Variants in RSBN1 observed in about 807,000 individuals in gnomAD.
The protein encoded by RSBN1 is round spermatid basic protein 1.
RSBN1 carries 23 observed loss-of-function variants against 74.8 expected under a neutral mutation model. The observed-to-expected ratio is 0.31, with a 90% confidence interval of 0.22 to 0.44. The LOEUF (loss-of-function observed/expected upper bound fraction) is 0.44. Ranked by LOEUF, RSBN1 falls within the 20% of genes least tolerant of loss-of-function variation. The probability of loss-of-function intolerance (pLI) is 1.00; values close to 1 mark genes in which losing one functional copy is unlikely to be tolerated. For missense variants in RSBN1, 808 were observed against 1,020.9 expected, an observed-to-expected ratio of 0.79 and a Z score of 2.84; for synonymous variants, 407 against 379.6, an observed-to-expected ratio of 1.07 and a Z score of -0.84.
chr1:113,774,746 C>G (rs1330811980), intron 4 of RSBN1, among the ~76,000 whole-genome samples: 1 of 151,930 alleles, frequency 6.6e-6, no homozygotes, highest in Non-Finnish European at 1.5e-5. Flanking sequence ...GTCCCAGATA[C>G]TTGGTGGGGC....
chr1:113,767,336 G>C, intron 5 of RSBN1, 129 bp from the exon 6 acceptor site: 1 of 441,482 alleles, frequency 2.3e-6, no homozygotes, highest in Non-Finnish European at 4.0e-6. Context: ...CTAAGGACTA[G>C]GTATACAATT....
chr1:113,767,074 A>AT, intron 6 of RSBN1, 25 bp downstream of exon 6: 1 of 1,330,098 alleles, frequency 7.5e-7, no homozygotes, highest in Non-Finnish European at 1.1e-6. Flanking sequence ...AATATCGCAA[A>AT]TGGTGATAAA....
At chr1:113,808,078 T>A (rs1660748738) in intron 1 of RSBN1, among the ~76,000 whole-genome samples, 1 of 152,094 alleles carries the variant, frequency 6.6e-6, no homozygotes, top group Non-Finnish European at 1.5e-5. Flanking sequence ...TGTAAAATGG[T>A]ACCGACACTC....
At position 113,764,536 on chromosome 1, in the gene RSBN1, T is replaced by G. The variant is rs886595890; in HGVS notation, c.*1444A>C. On this transcript the variant is annotated 3_prime_UTR_variant, in exon 7 of 7. Transcript: ENST00000261441. ...AGATTTAACCTATTTCAGAATATTT[T>G]AGAGAAAATTCATATTTGATATTTC... The G allele has an allele frequency of 2.0e-5, 3 of 152,504 alleles. No individual in the cohort carries two copies. Among genetic ancestry groups the G allele is most frequent in the African/African-American group, 7.2e-5 (3 of 41,516 alleles). 9.4% of individuals were successfully genotyped at this position (152,504 alleles called of 1,614,324 possible). A position where few individuals can be genotyped will look rare whatever the true frequency, so the allele number is the denominator to read the frequency against.
At chr1:113,772,566 C>T (rs1257441363) in intron 4 of RSBN1, among the ~76,000 whole-genome samples, 1 of 152,120 alleles carries the variant, frequency 6.6e-6, no homozygotes. Context: ...ATTTCTTTAA[C>T]TCTAGAGTTC....
At position 113,767,313 on chromosome 1, in the gene RSBN1, A is replaced by T. The variant is rs370624971; in HGVS notation, c.1827-106T>A. Reference sequence around the variant, plus strand: ...GAAATGCTTCTACCAGCAGAGAAATAGATGCATAGTTTCTAAGGACTAGGT... The same window carrying T: ...GAAATGCTTCTACCAGCAGAGAAATTGATGCATAGTTTCTAAGGACTAGGT... On this transcript the variant is annotated intron_variant, in intron 5 of 6. Coordinates refer to ENST00000261441, the MANE Select transcript of RSBN1 (RefSeq NM_018364.5). The T allele has an allele frequency of 7.7e-5, 44 of 573,342 alleles. 1 individual carries two copies. The highest frequency in any genetic ancestry group is 5.9e-4 in the East Asian group (19 of 32,204). The allele number at this position is 573,342 out of a possible 1,614,324, so 35.5% of individuals were successfully genotyped here. A position where few individuals can be genotyped will look rare whatever the true frequency, so the allele number is the denominator to read the frequency against.
At chr1:113,805,909 C>A (rs2101827166) in intron 1 of RSBN1, among the ~76,000 whole-genome samples, 1 of 152,328 alleles carries the variant, frequency 6.6e-6, no homozygotes, top group Non-Finnish European at 1.5e-5. Context: ...CTGTATTCTG[C>A]TACTGTAGTG....
chr1:113,804,277 A>C (rs1340862087), intron 1 of RSBN1, among the ~76,000 whole-genome samples: 1 of 152,252 alleles, frequency 6.6e-6, no homozygotes, highest in Non-Finnish European at 1.5e-5. Flanking sequence ...AAGATCTCTG[A>C]AAGAGGAAAG....
chr1:113,781,980 C>G (rs1221338095), intron 2 of RSBN1, among the ~76,000 whole-genome samples: 1 of 152,130 alleles, frequency 6.6e-6, no homozygotes, highest in Non-Finnish European at 1.5e-5. Context: ...TCAACCTTCC[C>G]ATTTTAAATC....
chr1:113,812,287 T>A lies in RSBN1; in HGVS notation c.126A>T (p.Lys42Asn). 1 of 1,604,922 alleles carries A rather than the reference T, an allele frequency of 6.2e-7. No homozygotes were observed. Among genetic ancestry groups the A allele is most frequent in the Non-Finnish European group, 8.5e-7 (1 of 1,179,806 alleles). The change falls in exon 1 of 7, where the codon AAA becomes AAT. Residue 42 changes from lysine (K) to asparagine (N), a missense_variant. Lys to Asn is a moderately conservative substitution (Grantham distance 94). Transcript: ENST00000261441. ...CADGGAVGPF[K>N]CVFVGEMAAQ... ...CAGCCATTTCACCCACAAACACACA[T>A]TTAAATGGCCCGACCGCCCCCCCGT... is the stretch of plus-strand genomic sequence containing the variant.
At position 113,762,488 on chromosome 1, in the gene RSBN1, T is replaced by C. The variant is rs1292003033; in HGVS notation, c.*3492A>G. 6.6e-6 allele frequency: 1 copy of C among 152,520 alleles called. No homozygotes were observed. The highest frequency in any genetic ancestry group is 2.4e-5 in the African/African-American group (1 of 41,456). The allele number at this position is 152,520 out of a possible 1,614,324, so 9.4% of individuals were successfully genotyped here. A position where few individuals can be genotyped will look rare whatever the true frequency, so the allele number is the denominator to read the frequency against. ...CGACCTGTTTGAAAAACAAAACAGA[T>C]GTGAACCTCTGGCATGTGCTAGCTA... is the stretch of plus-strand genomic sequence containing the variant. On this transcript the variant is annotated 3_prime_UTR_variant, in exon 7 of 7. Coordinates refer to ENST00000261441, the MANE Select transcript of RSBN1 (RefSeq NM_018364.5).
intron 1 of RSBN1, among the ~76,000 whole-genome samples, chr1:113,808,971 G>C (rs1487181036): frequency 6.6e-6 from 1 of 151,960 alleles, no homozygotes; most frequent in Non-Finnish European, 1.5e-5. Context: ...AGTTATGTAA[G>C]ATGTAGCCAC....
At position 113,767,088 on chromosome 1, in the gene RSBN1, T is replaced by C. The variant is rs1553239976; in HGVS notation, c.1935+11A>G. ...TAATATCGCAAATGGTGATAAAACA[T>C]AAGTTATTACCTGGGAAACTGGAGG... On this transcript the variant is annotated intron_variant, in intron 6 of 6. Transcript: ENST00000261441. 7 of 1,482,322 alleles carry C rather than the reference T, an allele frequency of 4.7e-6. No individual in the cohort carries two copies. The highest frequency in any genetic ancestry group is 6.5e-6 in the Non-Finnish European group (7 of 1,069,216). The allele number at this position is 1,482,322 out of a possible 1,614,324, so 91.8% of individuals were successfully genotyped here.
intron 2 of RSBN1, among the ~76,000 whole-genome samples, chr1:113,779,703 T>C (rs191142382): frequency 1.3e-5 from 2 of 152,138 alleles, no homozygotes; most frequent in Non-Finnish European, 2.9e-5. Context: ...TTTCTAGGAA[T>C]CATATGCTTT....
At chr1:113,766,521 C>T in intron 6 of RSBN1, 68 bp from the exon 7 acceptor site, 1 of 998,394 alleles carries the variant, frequency 1.0e-6, no homozygotes, top group Non-Finnish European at 1.5e-6. Context: ...AAATAATTAG[C>T]AAAGGAAAAC....
intron 2 of RSBN1, among the ~76,000 whole-genome samples, chr1:113,788,672 T>C (rs186483094): frequency 1.0e-3 from 159 of 152,212 alleles, no homozygotes; most frequent in Non-Finnish European, 1.1e-3. Flanking sequence ...ATCAATCAAA[T>C]GTTACAGTTA....
intron 2 of RSBN1, among the ~76,000 whole-genome samples, chr1:113,788,056 T>G (rs936932131): frequency 2.0e-5 from 3 of 151,910 alleles, no homozygotes; most frequent in African/African-American, 7.3e-5. Flanking sequence ...AGGTATTGTA[T>G]CCATGAAACA....
intron 2 of RSBN1, among the ~76,000 whole-genome samples, chr1:113,778,031 C>T (rs1003647214): frequency 6.6e-6 from 1 of 152,088 alleles, no homozygotes; most frequent in African/African-American, 2.4e-5. Context: ...CTGAAGATCT[C>T]AAAGAAACAT....
chr1:113,786,835 G>T (rs890625889), intron 2 of RSBN1, among the ~76,000 whole-genome samples: 5 of 152,084 alleles, frequency 3.3e-5, no homozygotes, highest in Non-Finnish European at 5.9e-5. Context: ...TTAGCCGGGC[G>T]TGGTGGTGAG....
Sources: gnomAD v4.1 joint callset for allele counts (sites outside exome capture counted in the v4.1 genomes callset) on GRCh38, gnomAD v4.1.1 for gene constraint, MANE v1.5 for transcripts, NCBI Gene and HGNC (gene_info 2026-07-23, HGNC 2026-07-21) for gene names.